The following ZAN variants were observed in gnomAD, a reference collection of about 807,000 sequenced individuals.
ZAN encodes the protein zonadhesin (gene/pseudogene).
ZAN carries 260 observed loss-of-function variants against 286.2 expected under a neutral mutation model. That is an observed-to-expected ratio of 0.91 (90% CI 0.82 to 1.01). The LOEUF (loss-of-function observed/expected upper bound fraction) is 1.01. Ranked by LOEUF, ZAN falls within the 50% of genes least tolerant of loss-of-function variation. The pLI is 0.00. For synonymous variants in ZAN, 1,368 were observed against 1,417.5 expected (o/e 0.97, Z 0.79); for missense variants, 3,410 against 3,639.2 (o/e 0.94, Z 1.62).
chr7:100,748,456 G>A lies in ZAN; in HGVS notation c.1235G>A (p.Gly412Asp). 1.2e-6 allele frequency: 2 copies of A among 1,612,464 alleles called. No individual in the cohort carries two copies. The highest frequency in any genetic ancestry group is 1.7e-6 in the Non-Finnish European group (2 of 1,179,274). ...GTCCATGGCATGGGCCCTGCGGGAG[G>A]TTTCCCTAATGCAGGTGAGGAGATT... Reference protein sequence around the residue: ...GPVHGMGPAGGFPNAGGHYIY... With the variant: ...GPVHGMGPAGDFPNAGGHYIY... Residue 412 changes from glycine (G) to aspartate (D), a missense_variant, in exon 11 of 48, where the codon GGT becomes GAT. Coordinates refer to ENST00000613979, the MANE Select transcript of ZAN (RefSeq NM_003386.3).
intron 20 of ZAN, 60 bp downstream of exon 20, chr7:100,762,418 TC>T (rs572743013): frequency 2.5e-4 from 291 of 1,167,698 alleles, no homozygotes; most frequent in Non-Finnish European, 2.8e-4. Flanking sequence ...CCTGGAACTC[TC>T]TTTTTTTTTT....
chr7:100,752,286 C>T lies in ZAN; in HGVS notation c.2181C>T (p.Pro727=). ...TCCCCACAGAAAAACCCACCATCCC[C>T]ACAGAAAAATCCACCATCTCCCCAG... ...PTIPTEKPTI[P]TEKSTISPEK... Residue 727 remains proline (P), a synonymous_variant, in exon 14 of 48, where the codon CCC becomes CCT. Transcript: ENST00000613979. 5.2e-6 allele frequency: 8 copies of T among 1,540,010 alleles called. No homozygotes were observed. The highest frequency in any genetic ancestry group is 1.4e-5 in the African/African-American group (1 of 69,838).
At chr7:100,774,570 T>G (rs911648177) in intron 31 of ZAN, among the ~76,000 whole-genome samples, 1 of 152,072 alleles carries the variant, frequency 6.6e-6, no homozygotes, top group African/African-American at 2.4e-5. Context: ...TAGTCCCTGC[T>G]ACTTGGGAGG....
In ZAN at chr7:100,775,506, C is replaced by T. The variant is rs757119575; in HGVS notation, c.5958C>T (p.Phe1986=). 1.2e-6 allele frequency: 2 copies of T among 1,613,968 alleles called. No homozygotes were observed. Among genetic ancestry groups the T allele is most frequent in the Admixed American group, 3.3e-5 (2 of 60,002 alleles). The change falls in exon 32 of 48, where the codon TTC becomes TTT. Residue 1986 remains phenylalanine, a synonymous_variant. Transcript: ENST00000613979. ...AGGAGGAAGGTGGAACTGAGGCTTT[C>T]CGCCTTCATGAGGTCTACATTGACA... ...HEKEEGGTEA[F]RLHEVYIDIY...
chr7:100,780,129 G>A (rs1192479250), intron 35 of ZAN, among the ~76,000 whole-genome samples: 1 of 151,562 alleles, frequency 6.6e-6, no homozygotes, highest in Non-Finnish European at 1.5e-5. Context: ...GGAGGCGGAG[G>A]TTGTAGTGAG....
chr7:100,787,814 G>A, intron 37 of ZAN, 75 bp from the exon 38 acceptor site: 3 of 1,363,674 alleles, frequency 2.2e-6, no homozygotes, highest in Non-Finnish European at 2.9e-6. Context: ...CACCCGCCTT[G>A]GCCTCCCAAA....
chr7:100,738,871 T>TCTTCTCCTTCTCCCTCTCCCTCTC (rs764317072), intron 7 of ZAN, among the ~76,000 whole-genome samples: 1 of 23,704 alleles, frequency 4.2e-5, no homozygotes. Context: ...TTCCTCTTCT[T>TCTTCTCCTTCTCCCTCTCCCTCTC]CTTCTCCCTC....
At chr7:100,771,613 G>A (rs1810372813) in intron 28 of ZAN, among the ~76,000 whole-genome samples, 2 of 152,010 alleles carry the variant, frequency 1.3e-5, no homozygotes, top group Admixed American at 1.3e-4. Flanking sequence ...TGTATTTTTA[G>A]TAGAGATTGG....
In ZAN at chr7:100,788,055, C is replaced by T. The variant is rs149823200; in HGVS notation, c.7146C>T (p.Pro2382=). Residue 2382 remains proline, a synonymous_variant, in exon 38 of 48, where the codon CCC becomes CCT. Transcript: ENST00000613979. ...LVEGRNKMDP[P]RSSIFLQEVI... is the part of the protein sequence containing the mutation. Reference sequence around the variant, plus strand: ...AAGGACGCAACAAGATGGATCCGCCCAGGAGCTCCATCTTCTTGCAGGAAG... The same window carrying T: ...AAGGACGCAACAAGATGGATCCGCCTAGGAGCTCCATCTTCTTGCAGGAAG... The T allele has an allele frequency of 1.3e-6, 2 of 1,593,598 alleles. No homozygotes were observed. The highest frequency in any genetic ancestry group is 1.7e-5 in the Admixed American group (1 of 58,510).
chr7:100,779,713 G>GCT lies in ZAN; in HGVS notation c.6587_6588dup (p.Lys2197SerfsTer61), dbSNP rs1562949804. 1 of 1,557,172 alleles carries GCT rather than the reference G, an allele frequency of 6.4e-7. No individual in the cohort carries two copies. The highest frequency in any genetic ancestry group is 2.4e-5 in the East Asian group (1 of 41,416). On this transcript the variant is annotated frameshift_variant, in exon 35 of 48. Coordinates refer to ENST00000613979, the MANE Select transcript of ZAN (RefSeq NM_003386.3). LOFTEE classifies it high-confidence loss of function. The stretch of plus-strand genomic sequence containing the variant: ...TCGGGGCCACCTGCCAGAGCCAGGG[G>GCT]CTCAAGCCCCCACTCTGGAGAAACA...
chr7:100,740,126 G>A lies in ZAN; in HGVS notation c.766+1513G>A, dbSNP rs527438911. 2.1e-5 allele frequency among the ~76,000 whole-genome samples: 3 copies of A among 140,000 alleles called. 1 individual carries two copies. The highest frequency in any genetic ancestry group is 7.1e-5 in the Admixed American group (1 of 14,062). The allele number at this position is 140,000 out of a possible 152,430, so 91.8% of individuals were successfully genotyped here. A position where few individuals can be genotyped will look rare whatever the true frequency, so the allele number is the denominator to read the frequency against. On this transcript the variant is annotated intron_variant, in intron 7 of 47. Coordinates refer to ENST00000613979, the MANE Select transcript of ZAN (RefSeq NM_003386.3). The stretch of plus-strand genomic sequence containing the variant: ...GCTGTCGGGGAAGGAGGGGATCAAG[G>A]CACAGCAAAGAGCCATGTGGCCAGC...
chr7:100,741,687 C>T (rs1278402660), intron 7 of ZAN, among the ~76,000 whole-genome samples: 10 of 16,752 alleles, frequency 6.0e-4, no homozygotes, highest in Non-Finnish European at 1.4e-3. Context: ...TAGGGGCGGC[C>T]GGGCAGAGGC....
chr7:100,791,018 CATG>C lies in ZAN; in HGVS notation c.7438_7440del (p.Met2480del), dbSNP rs758761226. ...ACTACGACAAGAACCGCAAGAATGA[CATG>C]ATGCTGCCCAGTGGCGCCCTGACCC... On this transcript the variant is annotated inframe_deletion, in exon 40 of 48. Coordinates refer to ENST00000613979, the MANE Select transcript of ZAN (RefSeq NM_003386.3). The C allele has an allele frequency of 2.5e-6, 4 of 1,612,668 alleles. No homozygotes were observed. Among genetic ancestry groups the C allele is most frequent in the East Asian group, 2.2e-5 (1 of 44,848 alleles).
rs1431045597 is a variant in ZAN, at chr7:100,758,187, A to G, written c.3310-15A>G. 2 of 1,607,996 alleles carry G rather than the reference A, an allele frequency of 1.2e-6. No homozygotes were observed. The highest frequency in any genetic ancestry group is 1.7e-6 in the Non-Finnish European group (2 of 1,176,612). On this transcript the variant is annotated splice_polypyrimidine_tract_variant and intron_variant, in intron 15 of 47. Transcript: ENST00000613979. ...GAGCTATATGACTGTGTGACCTCACATCCCTTTCTCCCAGCCTGGGGCAGA... is the reference window on the plus strand; with the variant it reads ...GAGCTATATGACTGTGTGACCTCACGTCCCTTTCTCCCAGCCTGGGGCAGA...
In ZAN at chr7:100,794,212, G is replaced by T; in HGVS notation, c.8079G>T (p.Ala2693=). Reference sequence around the variant, plus strand: ...TGTGTGAGCCCTTCAGCTGCAGAGCGGGGGAGGTCTGCACCCTGGGGAACC... The same window carrying T: ...TGTGTGAGCCCTTCAGCTGCAGAGCTGGGGAGGTCTGCACCCTGGGGAACC... ...ILLCEPFSCR[A]GEVCTLGNHT... The change falls in exon 44 of 48, where the codon GCG becomes GCT. Residue 2693 remains alanine, a synonymous_variant. Transcript: ENST00000613979. 9 of 1,613,616 alleles carry T rather than the reference G, an allele frequency of 5.6e-6. No homozygotes were observed. Among genetic ancestry groups the T allele is most frequent in the South Asian group, 1.1e-5 (1 of 91,026 alleles).
chr7:100,768,109 C>A (rs1353500378), intron 26 of ZAN, 98 bp downstream of exon 26: 6 of 1,382,250 alleles, frequency 4.3e-6, no homozygotes, highest in Non-Finnish European at 5.8e-6. Flanking sequence ...GTTCTAAGTA[C>A]TTGTCAACTG....
intron 13 of ZAN, among the ~76,000 whole-genome samples, 191 bp downstream of exon 13, chr7:100,751,457 G>A (rs528881473): frequency 1.3e-5 from 2 of 152,252 alleles, no homozygotes; most frequent in South Asian, 2.1e-4. Flanking sequence ...ATGTGGCTTC[G>A]ATACCATGGA....
intron 6 of ZAN, among the ~76,000 whole-genome samples, chr7:100,737,725 T>C (rs1328772809): frequency 4.6e-5 from 6 of 131,728 alleles, no homozygotes; most frequent in Admixed American, 7.6e-5. Context: ...AAAAGAAGAA[T>C]GAGAAAGGAG....
chr7:100,783,801 C>CATATATATAT (rs1811372934), intron 35 of ZAN, among the ~76,000 whole-genome samples: 2 of 12,036 alleles, frequency 1.7e-4, no homozygotes, highest in African/African-American at 2.5e-4. Flanking sequence ...TATATATATA[C>CATATATATAT]ACACATATAT....
Sources: gnomAD v4.1 joint callset for allele counts (sites outside exome capture counted in the v4.1 genomes callset) on GRCh38, gnomAD v4.1.1 for gene constraint, MANE v1.5 for transcripts, NCBI Gene and HGNC (gene_info 2026-07-23, HGNC 2026-07-21) for gene names.